ABCA4: variants seen among roughly 807,000 people sequenced by gnomAD.
ABCA4 encodes retinal-specific phospholipid-transporting ATPase ABCA4.
A neutral mutation model predicts 263.7 loss-of-function variants in ABCA4; 196 were observed. The ratio of observed to expected loss-of-function variants is 0.74; its 90% CI spans 0.66 to 0.84. The LOEUF is 0.84. Ranked by LOEUF, ABCA4 falls within the 40% of genes least tolerant of loss-of-function variation. ABCA4 has a pLI of 0.00. For synonymous variants in ABCA4, 1,133 were observed against 1,094.2 expected (o/e 1.04, Z -0.70); for missense variants, 2,792 against 2,855.1 (o/e 0.98, Z 0.50).
At chr1:94,087,855 A>G (rs1300538381) in intron 6 of ABCA4, among the ~76,000 whole-genome samples, 1 of 152,204 alleles carries the variant, frequency 6.6e-6, no homozygotes, top group Non-Finnish European at 1.5e-5. Context: ...TGAATGAAAC[A>G]AAGTCCTCCC....
intron 49 of ABCA4, among the ~76,000 whole-genome samples, chr1:93,994,720 G>A (rs761051432): frequency 1.3e-5 from 2 of 152,168 alleles, no homozygotes; most frequent in African/African-American, 2.4e-5. Context: ...TGTGTTGCAG[G>A]TTTTCTAATC....
intron 1 of ABCA4, 94 bp downstream of exon 1, chr1:94,120,886 T>TTCCCCCCC: frequency 6.4e-6 from 1 of 155,290 alleles, no homozygotes; most frequent in Non-Finnish European, 1.3e-5. Flanking sequence ...CCCCCCACCC[T>TTCCCCCCC]GCCCCACCAC....
chr1:94,026,576 G>A (rs1412110517), intron 30 of ABCA4, among the ~76,000 whole-genome samples: 1 of 152,120 alleles, frequency 6.6e-6, no homozygotes, highest in Non-Finnish European at 1.5e-5. Context: ...CTCAGACACC[G>A]GCCAAGCTCC....
chr1:94,062,821 A>G lies in ABCA4; in HGVS notation c.1761-68T>C, dbSNP rs541124595. ...TAGCTCACTCACACCTCCCGACCAC[A>G]GGGTGACTCGGAACTCATTCTCTTA... On this transcript the variant is annotated intron_variant, in intron 12 of 49. Transcript: ENST00000370225. The G allele has an allele frequency of 8.1e-4, 1,233 of 1,516,540 alleles. 1 individual carries two copies. The highest frequency in any genetic ancestry group is 9.9e-4 in the Non-Finnish European group (1,091 of 1,103,856). 93.9% of individuals were successfully genotyped at this position (1,516,540 alleles called of 1,614,324 possible).
chr1:94,001,762 G>T, intron 45 of ABCA4, 96 bp downstream of exon 45: 1 of 1,567,816 alleles, frequency 6.4e-7, no homozygotes. Flanking sequence ...CCAAACTGCT[G>T]CAGTTTCTAA....
At chr1:94,084,848 T>C (rs1050582311) in intron 6 of ABCA4, among the ~76,000 whole-genome samples, 1 of 152,154 alleles carries the variant, frequency 6.6e-6, no homozygotes, top group African/African-American at 2.4e-5. Context: ...GTTTTTTCCA[T>C]ACAAGGGTGG....
Position 94,010,866 on chromosome 1 carries a change from A to G in ABCA4, c.5648T>C (p.Val1883Ala), listed in dbSNP as rs1659524799. ...GAGGAAGTACACCACCCCTTCCACC[A>G]CCATGGCAAACAGGTTCTTCCCAAT... ...DLIGKNLFAM[V>A]VEGVVYFLLT... The change falls in exon 40 of 50, where the codon GTG becomes GCG. Residue 1883 changes from valine (V) to alanine (A), a missense_variant. Physicochemically the swap from Val to Ala is moderately conservative, Grantham distance 64. Coordinates refer to ENST00000370225, the MANE Select transcript of ABCA4 (RefSeq NM_000350.3). 2 of 1,614,028 alleles carry G rather than the reference A, an allele frequency of 1.2e-6. No homozygotes were observed. Among genetic ancestry groups the G allele is most frequent in the Admixed American group, 1.7e-5 (1 of 59,998 alleles).
At chr1:94,047,667 C>T (rs1660725161) in intron 18 of ABCA4, among the ~76,000 whole-genome samples, 2 of 152,164 alleles carry the variant, frequency 1.3e-5, no homozygotes, top group Non-Finnish European at 2.9e-5. Context: ...TTCTCTTAGT[C>T]ACCTTGGCTT....
chr1:94,117,874 C>T (rs189346641), intron 1 of ABCA4, among the ~76,000 whole-genome samples: 2 of 152,310 alleles, frequency 1.3e-5, no homozygotes, highest in East Asian at 1.9e-4. Context: ...GGCAAACACA[C>T]GTCCCAGTTT....
At chr1:94,033,592 G>A (rs1157542758) in intron 26 of ABCA4, among the ~76,000 whole-genome samples, 1 of 152,174 alleles carries the variant, frequency 6.6e-6, no homozygotes, top group Non-Finnish European at 1.5e-5. Flanking sequence ...AACTATTGCT[G>A]GACATGGAGA....
In ABCA4 at chr1:94,014,665, G is replaced by C. The variant is rs121909207; in HGVS notation, c.5338C>G (p.Pro1780Ala). ...YGWAVIPMMY[P>A]ASFLFDVPST... is the part of the protein sequence containing the mutation. ...GGGACATCAAACAGGAAGGATGCTG[G>C]GTACATCATGGGAATGACCGCCCAT... The change falls in exon 38 of 50, where the codon CCA becomes GCA. Residue 1780 changes from proline to alanine, a missense_variant. Pro to Ala is a conservative substitution (Grantham distance 27). Transcript: ENST00000370225. 214 of 1,614,058 alleles carry C rather than the reference G, an allele frequency of 1.3e-4. No homozygotes were observed. The highest frequency in any genetic ancestry group is 1.7e-4 in the Non-Finnish European group (206 of 1,180,040).
At chr1:94,095,288 C>G (rs552695782) in intron 6 of ABCA4, among the ~76,000 whole-genome samples, 7 of 151,770 alleles carry the variant, frequency 4.6e-5, no homozygotes, top group Admixed American at 4.6e-4. Context: ...ACCCCAGCGC[C>G]CCCCTCCGAT....
At chr1:94,039,671 T>C (rs1557776658) in intron 24 of ABCA4, among the ~76,000 whole-genome samples, 1 of 152,194 alleles carries the variant, frequency 6.6e-6, no homozygotes, top group African/African-American at 2.4e-5. Flanking sequence ...GGAAGAGCCG[T>C]GCATCACCAT....
In ABCA4 at chr1:94,001,057, T is replaced by C. The variant is rs1239999508; in HGVS notation, c.6331A>G (p.Asn2111Asp). 6 of 1,613,958 alleles carry C rather than the reference T, an allele frequency of 3.7e-6. No homozygotes were observed. The highest frequency in any genetic ancestry group is 5.1e-6 in the Non-Finnish European group (6 of 1,180,026). The change falls in exon 46 of 50, where the codon AAC (asparagine) becomes GAC (aspartate). Residue 2111 changes from asparagine to aspartate, a missense_variant. Coordinates refer to ENST00000370225, the MANE Select transcript of ABCA4 (RefSeq NM_000350.3). The part of the protein sequence containing the change: ...MDPQARRMLW[N>D]VIVSIIREGR... Reference sequence around the variant, plus strand: ...TCTCTGATGATGCTCACGATGACGTTCCACAGCATGCGGCGTGCCTGGGGG... The same window carrying C: ...TCTCTGATGATGCTCACGATGACGTCCCACAGCATGCGGCGTGCCTGGGGG...
At chr1:94,097,540 C>T (rs547697559) in intron 6 of ABCA4, among the ~76,000 whole-genome samples, 5 of 152,234 alleles carry the variant, frequency 3.3e-5, no homozygotes, top group East Asian at 1.9e-4. Context: ...TAATTCCATG[C>T]TAGAAATATT....
intron 1 of ABCA4, among the ~76,000 whole-genome samples, chr1:94,116,960 CTTTCTTTCTCTTTCTTTCTTT>C (rs1356601119): frequency 1.7e-5 from 2 of 119,126 alleles, no homozygotes; most frequent in South Asian, 7.3e-4. Context: ...TCCCTCCTTT[CTTTCTTTCTCTTTCTTTCTTT>C]CTTTCTTTCT....
At chr1:94,047,142 T>C (rs1570378359) in intron 18 of ABCA4, 49 bp from the exon 19 acceptor site, 1 of 1,600,238 alleles carries the variant, frequency 6.2e-7, no homozygotes, top group Admixed American at 1.7e-5. Context: ...CCTAATTACA[T>C]GGCCCCAGGG....
Position 94,108,722 on chromosome 1 carries a change from A to C in ABCA4, c.303-6T>G. 6.2e-7 allele frequency: 1 copy of C among 1,613,906 alleles called. No homozygotes were observed. The highest frequency in any genetic ancestry group is 1.1e-5 in the South Asian group (1 of 91,064). On this transcript the variant is annotated splice_polypyrimidine_tract_variant and splice_region_variant and intron_variant, in intron 3 of 49. Transcript: ENST00000370225. ...CTCGATATACCCTTGCCAAGCTGTAAGGACAAAGCCTCATTAATAAGGAAA... is the reference window on the plus strand; with the variant it reads ...CTCGATATACCCTTGCCAAGCTGTACGGACAAAGCCTCATTAATAAGGAAA...
chr1:94,051,058 T>C (rs1013373289), intron 17 of ABCA4, among the ~76,000 whole-genome samples: 2 of 152,186 alleles, frequency 1.3e-5, no homozygotes, highest in Non-Finnish European at 2.9e-5. Flanking sequence ...AAAGGTGCCT[T>C]TTACCTAAGA....
Sources: allele counts gnomAD v4.1 joint callset (sites outside exome capture counted in the v4.1 genomes callset), GRCh38; gene constraint gnomAD v4.1.1; transcripts MANE v1.5; gene names NCBI Gene and HGNC (gene_info 2026-07-23, HGNC 2026-07-21).